Variants in NTRK2 observed in about 807,000 individuals in gnomAD.
NTRK2 encodes BDNF/NT-3 growth factors receptor.
In NTRK2, 13 loss-of-function variants were observed where a neutral mutation model predicts 94.5. The observed-to-expected ratio is 0.14, with a 90% CI of 0.09 to 0.22. NTRK2 has a LOEUF of 0.22. NTRK2 is among the 10% of genes least tolerant of loss of function. The probability of loss-of-function intolerance (pLI) is 1.00; values close to 1 mark genes in which losing one functional copy is unlikely to be tolerated. For synonymous variants in NTRK2, 372 were observed against 407.4 expected (o/e 0.91, Z 1.05); for missense variants, 639 against 1,071.2 (o/e 0.60, Z 5.63).
At chr9:84,696,897 G>A (rs141577528) in intron 2 of NTRK2, among the ~76,000 whole-genome samples, 7 of 152,266 alleles carry the variant, frequency 4.6e-5, no homozygotes, top group African/African-American at 1.7e-4. Context: ...TTGGGATGTA[G>A]TAAATGTGCA....
At chr9:84,729,122 A>G (rs2062664551) in intron 9 of NTRK2, among the ~76,000 whole-genome samples, 1 of 152,196 alleles carries the variant, frequency 6.6e-6, no homozygotes, top group African/African-American at 2.4e-5. Context: ...CCACCAGCAA[A>G]GGTGATCCAT....
At chr9:84,693,468 T>G (rs1186211424) in intron 2 of NTRK2, among the ~76,000 whole-genome samples, 1 of 151,808 alleles carries the variant, frequency 6.6e-6, no homozygotes, top group Non-Finnish European at 1.5e-5. Context: ...AAATACAGAG[T>G]GTAATTTTTT....
intron 17 of NTRK2, among the ~76,000 whole-genome samples, chr9:84,960,356 G>A (rs530846277): frequency 1.3e-5 from 2 of 152,262 alleles, no homozygotes; most frequent in East Asian, 1.9e-4. Flanking sequence ...TTGATGAACT[G>A]GAAAATATAG....
At chr9:84,880,208 T>G (rs1210430138) in intron 14 of NTRK2, among the ~76,000 whole-genome samples, 1 of 152,208 alleles carries the variant, frequency 6.6e-6, no homozygotes, top group African/African-American at 2.4e-5. Context: ...CTAGGTGAAC[T>G]TGATATCCAA....
At chr9:84,956,676 A>G (rs1045536976) in intron 17 of NTRK2, among the ~76,000 whole-genome samples, 29 of 152,100 alleles carry the variant, frequency 1.9e-4, no homozygotes, top group African/African-American at 6.7e-4. Context: ...TGCTCTTCTC[A>G]TTGTTATTTA....
chr9:84,840,542 T>A (rs542231556), intron 12 of NTRK2, among the ~76,000 whole-genome samples: 1 of 152,136 alleles, frequency 6.6e-6, no homozygotes, highest in African/African-American at 2.4e-5. Context: ...TTGAAAGACA[T>A]CACCCCAGCC....
intron 14 of NTRK2, among the ~76,000 whole-genome samples, chr9:84,928,527 T>C (rs1043668312): frequency 6.6e-6 from 1 of 152,198 alleles, no homozygotes; most frequent in African/African-American, 2.4e-5. Flanking sequence ...CAGGAAACCC[T>C]CTCTGTCTTC....
chr9:84,708,552 C>T (rs1210490419), intron 5 of NTRK2, among the ~76,000 whole-genome samples: 1 of 152,144 alleles, frequency 6.6e-6, no homozygotes, highest in Non-Finnish European at 1.5e-5. Flanking sequence ...TTGCATTGTC[C>T]CCATTAAACA....
intron 2 of NTRK2, among the ~76,000 whole-genome samples, chr9:84,694,242 A>G (rs989357864): frequency 6.6e-6 from 1 of 152,174 alleles, no homozygotes; most frequent in Non-Finnish European, 1.5e-5. Flanking sequence ...TGTCTTCTGA[A>G]AAATGGGAAC....
chr9:84,913,884 T>A (rs993265339), intron 14 of NTRK2, among the ~76,000 whole-genome samples: 8 of 151,126 alleles, frequency 5.3e-5, no homozygotes, highest in Admixed American at 2.0e-4. Flanking sequence ...TATTATTATT[T>A]TTGCCATATC....
intron 12 of NTRK2, among the ~76,000 whole-genome samples, chr9:84,804,725 G>T (rs1473428875): frequency 1.3e-5 from 2 of 152,192 alleles, no homozygotes; most frequent in East Asian, 3.9e-4. Flanking sequence ...TTGCTTATCT[G>T]TACTGACTAT....
intron 2 of NTRK2, among the ~76,000 whole-genome samples, chr9:84,686,522 G>T (rs1249937781): frequency 6.6e-6 from 1 of 152,210 alleles, no homozygotes. Context: ...CATTTATGGG[G>T]CTTCACTTAA....
intron 17 of NTRK2, among the ~76,000 whole-genome samples, chr9:84,976,480 G>A (rs985197604): frequency 9.2e-5 from 14 of 152,192 alleles, no homozygotes; most frequent in African/African-American, 3.4e-4. Context: ...ACAGCACCAA[G>A]TAACAATTTA....
At chr9:84,678,614 G>C (rs2059203956) in intron 2 of NTRK2, among the ~76,000 whole-genome samples, 1 of 152,174 alleles carries the variant, frequency 6.6e-6, no homozygotes, top group African/African-American at 2.4e-5. Flanking sequence ...TCCTCTGTGT[G>C]ATGCATGTGT....
At chr9:84,685,935 G>GT (rs763235040) in intron 2 of NTRK2, among the ~76,000 whole-genome samples, 10 of 152,186 alleles carry the variant, frequency 6.6e-5, no homozygotes, top group Non-Finnish European at 1.3e-4. Flanking sequence ...TATGGATCTT[G>GT]TTTACTGCTC....
intron 14 of NTRK2, chr9:84,872,603 C>A (rs1208194736): frequency 2.4e-6 from 2 of 836,644 alleles, no homozygotes; most frequent in Non-Finnish European, 2.9e-6. Context: ...AGTATTCTGA[C>A]TTTTTTTTTT....
intron 17 of NTRK2, among the ~76,000 whole-genome samples, chr9:84,988,205 A>T (rs1828576546): frequency 6.6e-6 from 1 of 152,204 alleles, no homozygotes; most frequent in Admixed American, 6.5e-5. Context: ...TCACCAGAAA[A>T]TGCAGCCACG....
At chr9:85,021,102 A>T in intron 18 of NTRK2, 150 bp from the exon 19 acceptor site, 1 of 709,928 alleles carries the variant, frequency 1.4e-6, no homozygotes. Flanking sequence ...AAACTAACCT[A>T]TAATAATTGC....
intron 12 of NTRK2, among the ~76,000 whole-genome samples, chr9:84,784,107 G>T (rs2067887137): frequency 6.6e-6 from 1 of 152,166 alleles, no homozygotes; most frequent in Non-Finnish European, 1.5e-5. Flanking sequence ...AAGCTGTATG[G>T]CCTGAGGGAA....
Sources: allele counts gnomAD v4.1 joint callset (sites outside exome capture counted in the v4.1 genomes callset), GRCh38; gene constraint gnomAD v4.1.1; transcripts MANE v1.5; gene names NCBI Gene and HGNC (gene_info 2026-07-23, HGNC 2026-07-21).